MED16: variants seen among roughly 807,000 people sequenced by gnomAD.
MED16 encodes mediator of RNA polymerase II transcription subunit 16.
Under a neutral mutation model 84.4 loss-of-function variants are expected in MED16, and 81 were observed. That is an observed-to-expected ratio of 0.96 (90% CI 0.80 to 1.15). MED16 has a LOEUF of 1.15. Among genes scored for constraint, MED16 ranks in the 50% most tolerant of loss-of-function variants. The pLI is 0.00. For missense variants in MED16, 1,585 were observed against 1,245.9 expected (o/e 1.27, Z -4.10); for synonymous variants, 897 against 552.2 (o/e 1.62, Z -8.76).
chr19:889,226 C>A (rs1161686328), intron 4 of MED16, among the ~76,000 whole-genome samples: 1 of 151,980 alleles, frequency 6.6e-6, no homozygotes, highest in Non-Finnish European at 1.5e-5. Flanking sequence ...CCTGTGGGGC[C>A]GAATCACAGG....
At chr19:876,561 G>T (rs947528074) in intron 9 of MED16, among the ~76,000 whole-genome samples, 1 of 152,084 alleles carries the variant, frequency 6.6e-6, no homozygotes, top group Non-Finnish European at 1.5e-5. Context: ...AAACTTCCCA[G>T]GTAAGGAAGG....
At chr19:885,126 C>T (rs1156450186) in intron 5 of MED16, 118 bp from the exon 6 acceptor site, 9 of 722,734 alleles carry the variant, frequency 1.2e-5, no homozygotes, top group South Asian at 3.3e-5. Context: ...TCTTCAGCCA[C>T]GCCTGCCCCT....
chr19:886,243 A>G (rs752336807), intron 4 of MED16, 42 bp from the exon 5 acceptor site: 28 of 1,462,538 alleles, frequency 1.9e-5, no homozygotes, highest in Non-Finnish European at 2.5e-5. Context: ...GCTCAGGCTC[A>G]TGGGGGCTGC....
In MED16 at chr19:881,627, T is replaced by C; in HGVS notation, c.1073A>G (p.Lys358Arg). ...GGTGTTGGTGAGCGAGATGGGCAGCTTGGGCAGCGCCACGGCCGACACACG... is the reference window on the plus strand; with the variant it reads ...GGTGTTGGTGAGCGAGATGGGCAGCCTGGGCAGCGCCACGGCCGACACACG... ...LDRVSAVALP[K>R]LPISLTNTDL... Residue 358 changes from lysine to arginine, a missense_variant, in exon 7 of 16, where the codon AAG becomes AGG. Coordinates refer to ENST00000325464, the MANE Select transcript of MED16 (RefSeq NM_005481.3). 6.2e-7 allele frequency: 1 copy of C among 1,612,718 alleles called. No homozygotes were observed. The highest frequency in any genetic ancestry group is 8.5e-7 in the Non-Finnish European group (1 of 1,179,914).
At chr19:876,359 G>A (rs1568324081) in intron 9 of MED16, among the ~76,000 whole-genome samples, 1 of 152,018 alleles carries the variant, frequency 6.6e-6, no homozygotes, top group Non-Finnish European at 1.5e-5. Flanking sequence ...CCGACGGGCG[G>A]GTCTCTGTGT....
intron 4 of MED16, among the ~76,000 whole-genome samples, chr19:888,599 G>T (rs1011338464): frequency 1.3e-5 from 2 of 151,350 alleles, no homozygotes; most frequent in Non-Finnish European, 2.9e-5. Flanking sequence ...GAGTGTATAC[G>T]AAACCTCTGG....
chr19:884,908 G>C lies in MED16; in HGVS notation c.980C>G (p.Pro327Arg). The change falls in exon 6 of 16, where the codon CCC (proline) becomes CGC (arginine). Residue 327 changes from proline to arginine, a missense_variant. Coordinates refer to ENST00000325464, the MANE Select transcript of MED16 (RefSeq NM_005481.3). ...GCAGCCGGCGGGAGACTCACCCACG[G>C]GGGAGATCTGCTGGAAGATGTTGTT... ...PVNNIFQQIS[P>R]VVGDKQPTIL... 6.2e-7 allele frequency: 1 copy of C among 1,606,454 alleles called. No individual in the cohort carries two copies. Among genetic ancestry groups the C allele is most frequent in the Non-Finnish European group, 8.5e-7 (1 of 1,178,212 alleles).
chr19:884,821 C>T, intron 6 of MED16, 82 bp downstream of exon 6: 1 of 1,117,706 alleles, frequency 8.9e-7, no homozygotes, highest in Non-Finnish European at 1.3e-6. Context: ...CCCTGGGTGA[C>T]ACAGCAAGAC....
intron 9 of MED16, 94 bp downstream of exon 9, chr19:876,880 C>CCACCTGCCACGGGG: frequency 2.6e-6 from 3 of 1,133,808 alleles, no homozygotes; most frequent in Non-Finnish European, 3.6e-6. Flanking sequence ...TGCCACGGGG[C>CCACCTGCCACGGGG]CCCCACCTGC....
At chr19:890,462 G>A (rs1422575045) in intron 2 of MED16, 3 of 456,122 alleles carry the variant, frequency 6.6e-6, no homozygotes, top group Non-Finnish European at 1.2e-5. Context: ...AACCAGATTA[G>A]AAGAAAATGA....
chr19:889,953 G>A (rs2145256785), intron 3 of MED16, 146 bp from the exon 4 acceptor site: 2 of 957,460 alleles, frequency 2.1e-6, no homozygotes, highest in Non-Finnish European at 3.1e-6. Context: ...GCGCACTCCA[G>A]AGATGCCCTG....
intron 13 of MED16, among the ~76,000 whole-genome samples, chr19:869,935 T>C (rs1402362143): frequency 2.0e-4 from 30 of 151,954 alleles, no homozygotes; most frequent in Admixed American, 2.0e-3. Context: ...TCCCACCCTT[T>C]CCAGGCTGGG....
chr19:878,536 C>G (rs2036323906), intron 8 of MED16, among the ~76,000 whole-genome samples: 1 of 142,796 alleles, frequency 7.0e-6, no homozygotes, highest in Non-Finnish European at 1.5e-5. Context: ...CTCACCTTCC[C>G]GTGGTTGTCA....
intron 7 of MED16, 111 bp downstream of exon 7, chr19:881,448 A>C: frequency 1.5e-6 from 2 of 1,309,354 alleles, no homozygotes; most frequent in Non-Finnish European, 2.1e-6. Context: ...GCCTGTGCTC[A>C]GAGCCCACGT....
In MED16 at chr19:871,168, G is replaced by C; in HGVS notation, c.2184C>G (p.Ser728Arg). The C allele has an allele frequency of 1.9e-6, 3 of 1,549,008 alleles. No individual in the cohort carries two copies. The South Asian group carries it at 3.6e-5, about 18-fold the overall frequency. The change falls in exon 13 of 16, where the codon AGC becomes AGG. Residue 728 changes from serine (S) to arginine (R), a missense_variant. Ser to Arg is a moderately radical substitution (Grantham distance 110). Coordinates refer to ENST00000325464, the MANE Select transcript of MED16 (RefSeq NM_005481.3). ...CLLPSQLLIP[S>R]LDWLPASDGL... ...CGTCGCTGGCTGGCAGCCAGTCCAG[G>C]CTGGGGATAAGCAGCTGGCTGGGCA...
chr19:872,283 C>G (rs974354986), intron 11 of MED16, among the ~76,000 whole-genome samples, 165 bp from the exon 12 acceptor site: 1 of 151,864 alleles, frequency 6.6e-6, no homozygotes, highest in African/African-American at 2.4e-5. Flanking sequence ...GGGTGGATGC[C>G]GGGGACGCTG....
Position 871,026 on chromosome 19 carries a change from G to A in MED16, c.2315+11C>T, listed in dbSNP as rs2036037435. The A allele has an allele frequency of 3.3e-6, 5 of 1,536,402 alleles. No homozygotes were observed. Among genetic ancestry groups the A allele is most frequent in the Non-Finnish European group, 4.4e-6 (5 of 1,137,678 alleles). On this transcript the variant is annotated intron_variant, in intron 13 of 15. Coordinates refer to ENST00000325464, the MANE Select transcript of MED16 (RefSeq NM_005481.3). ...TCCTGTGTTTGGGGACCAATGCAGG[G>A]ACACACGCACCTGGCGAGGCCGTCG...
chr19:876,804 T>G (rs2036242258), intron 9 of MED16, among the ~76,000 whole-genome samples, 170 bp downstream of exon 9: 1 of 152,040 alleles, frequency 6.6e-6, no homozygotes, highest in Non-Finnish European at 1.5e-5. Flanking sequence ...TCCCTGCTGC[T>G]GGCACTTTAC....
intron 8 of MED16, among the ~76,000 whole-genome samples, chr19:878,048 C>T (rs1374367722): frequency 4.8e-4 from 66 of 136,670 alleles, no homozygotes; most frequent in African/African-American, 1.7e-3. Flanking sequence ...CCACGTGCCC[C>T]AGCAGCTCGC....
Sources: gnomAD v4.1 joint callset for allele counts (sites outside exome capture counted in the v4.1 genomes callset) on GRCh38, gnomAD v4.1.1 for gene constraint, MANE v1.5 for transcripts, NCBI Gene and HGNC (gene_info 2026-07-23, HGNC 2026-07-21) for gene names.